GANC: variants seen among roughly 807,000 people sequenced by gnomAD.
GANC encodes glucosidase alpha, neutral C.
A neutral mutation model predicts 124.2 loss-of-function variants in GANC; 117 were observed. That is an observed-to-expected ratio of 0.94 (90% CI 0.81 to 1.10). GANC has a LOEUF of 1.10. Among genes scored for constraint, GANC ranks in the 50% least tolerant of loss-of-function variants. The pLI is 0.00. For synonymous variants in GANC, 377 were observed against 376.8 expected, an observed-to-expected ratio of 1.00 and a Z score of -0.01; for missense variants, 1,140 against 1,095.0, an observed-to-expected ratio of 1.04 and a Z score of -0.58.
chr15:42,311,787 G>T (rs773199963), intron 10 of GANC, among the ~76,000 whole-genome samples: 3 of 151,978 alleles, frequency 2.0e-5, no homozygotes, highest in Non-Finnish European at 4.4e-5. Flanking sequence ...TCCAACATTG[G>T]GGATTACAAT....
At position 42,327,449 on chromosome 15, in the gene GANC, T is replaced by A; in HGVS notation, c.1500+7T>A. 2.5e-6 allele frequency: 4 copies of A among 1,601,802 alleles called. No individual in the cohort carries two copies. Among genetic ancestry groups the A allele is most frequent in the Non-Finnish European group, 3.4e-6 (4 of 1,169,058 alleles). On this transcript the variant is annotated splice_region_variant and intron_variant, in intron 13 of 23. Coordinates refer to ENST00000318010, the MANE Select transcript of GANC (RefSeq NM_198141.3). Reference sequence around the variant, plus strand: ...TGCTTTCCCTGTTTATCAGGTTGGTTTTTATTCCTTTGTTCTTTTCTAGTT... The same window carrying A: ...TGCTTTCCCTGTTTATCAGGTTGGTATTTATTCCTTTGTTCTTTTCTAGTT...
At chr15:42,337,713 C>T (rs576223267) in intron 15 of GANC, among the ~76,000 whole-genome samples, 37 of 152,306 alleles carry the variant, frequency 2.4e-4, no homozygotes, top group Non-Finnish European at 4.7e-4. Flanking sequence ...TACCCCTGAA[C>T]TTAAATATTT....
intron 6 of GANC, among the ~76,000 whole-genome samples, chr15:42,304,328 A>T (rs780132356): frequency 1.2e-4 from 19 of 152,218 alleles, no homozygotes; most frequent in Non-Finnish European, 1.0e-4. Context: ...AACGCAATGT[A>T]CCAGAATCTC....
intron 13 of GANC, among the ~76,000 whole-genome samples, chr15:42,328,637 A>G (rs758021204): frequency 6.6e-6 from 1 of 152,116 alleles, no homozygotes; most frequent in Non-Finnish European, 1.5e-5. Flanking sequence ...ATATACAAGG[A>G]GCAGGATTTT....
At chr15:42,350,642 TC>T (rs2052422826) in intron 22 of GANC, among the ~76,000 whole-genome samples, 1 of 143,682 alleles carries the variant, frequency 7.0e-6, no homozygotes, top group Non-Finnish European at 1.5e-5. Flanking sequence ...AACCTCAGCC[TC>T]CCGGGTTCAA....
rs1462305469 is a variant in GANC, at chr15:42,339,847, T to G, written c.2022T>G (p.Tyr674Ter). 11 of 1,614,068 alleles carry G rather than the reference T, an allele frequency of 6.8e-6. No individual in the cohort carries two copies. Among genetic ancestry groups the G allele is most frequent in the Non-Finnish European group, 9.3e-6 (11 of 1,179,980 alleles). ...RLIREAIRER[Y>*]GLLPYWYSLF... is the part of the protein sequence containing the mutation. ...TCCGAGAAGCCATCAGAGAGCGCTA[T>G]GGCCTCCTGCCATATTGGTATTCTC... Residue 674 changes from tyrosine (Y) to a stop codon, truncating the protein, a stop_gained, in exon 17 of 24, where the codon TAT becomes TAG. Coordinates refer to ENST00000318010, the MANE Select transcript of GANC (RefSeq NM_198141.3). LOFTEE classifies it high-confidence loss of function.
At chr15:42,343,718 G>A (rs1409310820) in intron 19 of GANC, among the ~76,000 whole-genome samples, 1 of 152,088 alleles carries the variant, frequency 6.6e-6, no homozygotes, top group East Asian at 1.9e-4. Flanking sequence ...CCCAGGCAGG[G>A]CACAGGGGAG....
chr15:42,317,888 C>G (rs2052122401), intron 10 of GANC, among the ~76,000 whole-genome samples: 1 of 152,190 alleles, frequency 6.6e-6, no homozygotes, highest in South Asian at 2.1e-4. Context: ...TACTGGATCT[C>G]CCACCATGTT....
Position 42,338,487 on chromosome 15 carries a change from G to C in GANC, c.1840G>C (p.Gly614Arg). 6.2e-7 allele frequency: 1 copy of C among 1,608,380 alleles called. No individual in the cohort carries two copies. Among genetic ancestry groups the C allele is most frequent in the African/African-American group, 1.3e-5 (1 of 74,930 alleles). ...TLSITGISFCGADIGGFIGNP... is the reference protein window; with the variant it reads ...TLSITGISFCRADIGGFIGNP... ...CAGCATTACTGGGATCTCTTTTTGCGGAGGTAAGATGAGTCCTTTGAGGCT... is the reference window on the plus strand; with the variant it reads ...CAGCATTACTGGGATCTCTTTTTGCCGAGGTAAGATGAGTCCTTTGAGGCT... Residue 614 changes from glycine (G) to arginine (R), a missense_variant, in exon 16 of 24, where the codon GGA becomes CGA. Coordinates refer to ENST00000318010, the MANE Select transcript of GANC (RefSeq NM_198141.3).
At chr15:42,280,239 A>G (rs1173169369) in intron 3 of GANC, among the ~76,000 whole-genome samples, 1 of 151,986 alleles carries the variant, frequency 6.6e-6, no homozygotes, top group Admixed American at 6.6e-5. Context: ...TTCTGGAGTA[A>G]TTTTCCTCCT....
Position 42,352,165 on chromosome 15 carries a change from G to A in GANC, c.*26G>A. 8 of 1,613,826 alleles carry A rather than the reference G, an allele frequency of 5.0e-6. No homozygotes were observed. The highest frequency in any genetic ancestry group is 5.9e-6 in the Non-Finnish European group (7 of 1,179,816). ...CAAAGAACTGCCCCTGGTGATGTGA[G>A]CAGGGACCTGCCTGCCCCTTTCAAC... On this transcript the variant is annotated 3_prime_UTR_variant, in exon 24 of 24. Transcript: ENST00000318010.
intron 8 of GANC, 44 bp downstream of exon 8, chr15:42,308,362 A>G (rs368072322): frequency 5.4e-6 from 7 of 1,288,516 alleles, no homozygotes; most frequent in Non-Finnish European, 6.8e-6. Flanking sequence ...TGGTTTTTGT[A>G]TTGAGATGAT....
rs150550116 is a variant in GANC, at chr15:42,286,209, T to A, written c.202-1482T>A. Reference sequence around the variant, plus strand: ...TTAAATCTCTATTCCTCTAGAGAAATGTCCAGAACTTCTAACCCTACAGTC... The same window carrying A: ...TTAAATCTCTATTCCTCTAGAGAAAAGTCCAGAACTTCTAACCCTACAGTC... On this transcript the variant is annotated intron_variant, in intron 3 of 23. Coordinates refer to ENST00000318010, the MANE Select transcript of GANC (RefSeq NM_198141.3). Among the ~76,000 whole-genome samples the A allele has an allele frequency of 7.1e-3, 1,078 of 152,288 alleles. 12 individuals carry two copies. Among genetic ancestry groups the A allele is most frequent in the Non-Finnish European group, 0.013 (908 of 68,018 alleles).
intron 22 of GANC, among the ~76,000 whole-genome samples, chr15:42,350,297 T>C (rs2141087043): frequency 6.6e-6 from 1 of 152,234 alleles, no homozygotes; most frequent in African/African-American, 2.4e-5. Context: ...CCCAAAGTGC[T>C]GGGATTACAG....
At chr15:42,321,756 T>C in intron 10 of GANC, 29 bp from the exon 11 acceptor site, 1 of 1,565,426 alleles carries the variant, frequency 6.4e-7, no homozygotes. Flanking sequence ...GCCATGGCAG[T>C]TGACTCAGTT....
At position 42,329,454 on chromosome 15, in the gene GANC, G is replaced by A. The variant is rs771585493; in HGVS notation, c.1644+5G>A. ...AACATCTACGGTTTTTATCATGTAAGACATCCAAAAAGAATTAAACTGGGC... is the reference window on the plus strand; with the variant it reads ...AACATCTACGGTTTTTATCATGTAAAACATCCAAAAAGAATTAAACTGGGC... On this transcript the variant is annotated splice_donor_5th_base_variant and intron_variant, in intron 14 of 23. Coordinates refer to ENST00000318010, the MANE Select transcript of GANC (RefSeq NM_198141.3). 1 of 1,603,452 alleles carries A rather than the reference G, an allele frequency of 6.2e-7. No homozygotes were observed. Among genetic ancestry groups the A allele is most frequent in the African/African-American group, 1.3e-5 (1 of 74,346 alleles).
chr15:42,296,811 T>C (rs2051896509), intron 5 of GANC, among the ~76,000 whole-genome samples: 1 of 152,094 alleles, frequency 6.6e-6, no homozygotes, highest in Admixed American at 6.5e-5. Flanking sequence ...TATATTCTTT[T>C]GTAATGTATT....
chr15:42,330,573 T>G lies in GANC; in HGVS notation c.1645-3T>G. Reference sequence around the variant, plus strand: ...TTGAAATTTTTCTTGTTTGGTGATATAGCAAATGGCTACTGCAGAAGGACT... The same window carrying G: ...TTGAAATTTTTCTTGTTTGGTGATAGAGCAAATGGCTACTGCAGAAGGACT... On this transcript the variant is annotated splice_polypyrimidine_tract_variant and splice_region_variant and intron_variant, in intron 14 of 23. Coordinates refer to ENST00000318010, the MANE Select transcript of GANC (RefSeq NM_198141.3). 1 of 1,610,360 alleles carries G rather than the reference T, an allele frequency of 6.2e-7. No homozygotes were observed. The highest frequency in any genetic ancestry group is 8.5e-7 in the Non-Finnish European group (1 of 1,177,178).
chr15:42,316,479 A>G (rs11631711), intron 10 of GANC, among the ~76,000 whole-genome samples: 138,177 of 152,196 alleles, frequency 0.91, 64,143 homozygotes, highest in Non-Finnish European at 1. Flanking sequence ...TTAGGCAGCC[A>G]AAGCAGAGAG....
Sources: gnomAD v4.1 joint callset for allele counts (sites outside exome capture counted in the v4.1 genomes callset) on GRCh38, gnomAD v4.1.1 for gene constraint, MANE v1.5 for transcripts, NCBI Gene and HGNC (gene_info 2026-07-23, HGNC 2026-07-21) for gene names.